KIF21A: variants seen among roughly 807,000 people sequenced by gnomAD.
The protein encoded by KIF21A is kinesin-like protein KIF21A.
In KIF21A, 114 loss-of-function variants were observed where a neutral mutation model predicts 202.9. The ratio of observed to expected loss-of-function variants is 0.56; its 90% CI spans 0.48 to 0.66. The LOEUF is 0.66. KIF21A is among the 30% of genes least tolerant of loss of function. The probability of loss-of-function intolerance (pLI) is 0.00; values close to 1 mark genes in which losing one functional copy is unlikely to be tolerated. For missense variants in KIF21A, 1,677 were observed against 1,994.9 expected (o/e 0.84, Z 3.04); for synonymous variants, 667 against 670.8 (o/e 0.99, Z 0.09).
intron 1 of KIF21A, among the ~76,000 whole-genome samples, chr12:39,435,682 A>T (rs1311435194): frequency 7.4e-6 from 1 of 134,988 alleles, no homozygotes. Flanking sequence ...CCCACACTCC[A>T]GCCACCTTCC....
chr12:39,405,550 G>T (rs1041604773), intron 1 of KIF21A, among the ~76,000 whole-genome samples: 2 of 151,996 alleles, frequency 1.3e-5, no homozygotes. Flanking sequence ...AAACTACAGT[G>T]CAGGAAATAT....
At chr12:39,375,146 C>T (rs1464422671) in intron 1 of KIF21A, among the ~76,000 whole-genome samples, 2 of 151,896 alleles carry the variant, frequency 1.3e-5, no homozygotes, top group African/African-American at 2.4e-5. Context: ...TTGTAATAAC[C>T]GAAACTGGTT....
intron 1 of KIF21A, among the ~76,000 whole-genome samples, chr12:39,380,722 A>G (rs922886742): frequency 2.3e-4 from 35 of 152,106 alleles, no homozygotes; most frequent in African/African-American, 8.5e-4. Flanking sequence ...AGAAGGAAAG[A>G]AGGAAGGAAG....
intron 32 of KIF21A, among the ~76,000 whole-genome samples, chr12:39,311,006 T>C (rs1468254876): frequency 3.3e-5 from 5 of 152,070 alleles, no homozygotes; most frequent in Admixed American, 2.0e-4. Context: ...TTGTGAGAAT[T>C]AGGTGAGATA....
chr12:39,441,911 G>C (rs753184665), intron 1 of KIF21A, among the ~76,000 whole-genome samples: 10 of 152,016 alleles, frequency 6.6e-5, no homozygotes, highest in Non-Finnish European at 1.2e-4. Flanking sequence ...CATAAATAAG[G>C]AGAAGTGAAT....
chr12:39,416,602 C>CATATATATATATGTACAT (rs1953616193), intron 1 of KIF21A, among the ~76,000 whole-genome samples: 1 of 100,772 alleles, frequency 9.9e-6, no homozygotes, highest in Admixed American at 1.0e-4. Context: ...CTTAAATATA[C>CATATATATATATGTACAT]ATATATATAT....
intron 1 of KIF21A, among the ~76,000 whole-genome samples, chr12:39,412,047 G>A (rs1055907663): frequency 2.0e-5 from 3 of 151,546 alleles, no homozygotes; most frequent in African/African-American, 7.3e-5. Context: ...TACCTTATTG[G>A]CCATGCTGGT....
intron 17 of KIF21A, among the ~76,000 whole-genome samples, chr12:39,335,186 C>A (rs911500880): frequency 2.0e-5 from 3 of 151,804 alleles, no homozygotes; most frequent in Non-Finnish European, 4.4e-5. Flanking sequence ...CGAGGCGGGG[C>A]GGATCACTTG....
intron 1 of KIF21A, among the ~76,000 whole-genome samples, chr12:39,374,443 A>G (rs939668375): frequency 6.6e-6 from 1 of 152,194 alleles, no homozygotes; most frequent in Non-Finnish European, 1.5e-5. Context: ...ACTAACACTA[A>G]GAAATAACAA....
At chr12:39,373,013 A>G (rs547644010) in intron 1 of KIF21A, among the ~76,000 whole-genome samples, 27 of 152,238 alleles carry the variant, frequency 1.8e-4, no homozygotes, top group Middle Eastern at 3.4e-3. Context: ...AATGAAGGCC[A>G]TCATTATCTC....
In KIF21A at chr12:39,395,857, A is replaced by G. The variant is rs572078608; in HGVS notation, c.45-25596T>C. On this transcript the variant is annotated intron_variant, in intron 1 of 37. Coordinates refer to ENST00000361418, the MANE Select transcript of KIF21A (RefSeq NM_001173464.2). ...GACTCCGTCTCAAAAAAAAAAAAAA[A>G]AAGAAGAAGAAAAATCACCCACTTT... Among the ~76,000 whole-genome samples the G allele has an allele frequency of 2.9e-4, 43 of 149,620 alleles. 1 individual carries two copies. The highest frequency in any genetic ancestry group is 1.4e-3 in the East Asian group (7 of 5,126).
intron 12 of KIF21A, among the ~76,000 whole-genome samples, chr12:39,342,720 C>T (rs11171786): frequency 0.068 from 10,358 of 152,192 alleles, 537 homozygotes; most frequent in South Asian, 0.28. Flanking sequence ...TATGGTCTCA[C>T]ACAATGTGTC....
chr12:39,366,896 TA>T (rs1949638909), intron 5 of KIF21A, 133 bp downstream of exon 5: 2 of 902,298 alleles, frequency 2.2e-6, no homozygotes, highest in Non-Finnish European at 3.5e-6. Context: ...TCAACTTAAC[TA>T]GGATCAGAAA....
In KIF21A at chr12:39,380,236, C is replaced by T. The variant is rs55756650; in HGVS notation, c.45-9975G>A. 3.9e-3 allele frequency among the ~76,000 whole-genome samples: 590 copies of T among 152,300 alleles called. 3 individuals are homozygous for T. Among genetic ancestry groups the T allele is most frequent in the African/African-American group, 0.013 (560 of 41,580 alleles). ...GCCTGCCTCAGCCTCCCAAAATACT[C>T]GGGTTACAGGCGTGAGCCACCGCTC... On this transcript the variant is annotated intron_variant, in intron 1 of 37. Coordinates refer to ENST00000361418, the MANE Select transcript of KIF21A (RefSeq NM_001173464.2).
At position 39,424,819 on chromosome 12, in the gene KIF21A, C is replaced by T. The variant is rs115710321; in HGVS notation, c.44+18108G>A. 6.7e-3 allele frequency among the ~76,000 whole-genome samples: 1,019 copies of T among 152,180 alleles called. 12 individuals carry two copies. The highest frequency in any genetic ancestry group is 0.023 in the African/African-American group (959 of 41,524). On this transcript the variant is annotated intron_variant, in intron 1 of 37. Coordinates refer to ENST00000361418, the MANE Select transcript of KIF21A (RefSeq NM_001173464.2). ...CATTTTCACCTCTTATAATACAGTC[C>T]ACCTTGTACCGAGCAACAAGAGTTA...
intron 1 of KIF21A, among the ~76,000 whole-genome samples, chr12:39,376,203 A>T (rs565322301): frequency 6.6e-6 from 1 of 152,312 alleles, no homozygotes; most frequent in African/African-American, 2.4e-5. Flanking sequence ...ATGTATGCAT[A>T]TACTTACAGA....
At chr12:39,412,029 G>T (rs1047699664) in intron 1 of KIF21A, among the ~76,000 whole-genome samples, 1 of 151,682 alleles carries the variant, frequency 6.6e-6, no homozygotes, top group Non-Finnish European at 1.5e-5. Flanking sequence ...TTGTAGAGAC[G>T]GGGTTTTTAC....
intron 1 of KIF21A, among the ~76,000 whole-genome samples, chr12:39,374,856 A>G (rs1412168825): frequency 6.6e-6 from 1 of 152,144 alleles, no homozygotes; most frequent in Non-Finnish European, 1.5e-5. Flanking sequence ...AAAACAAACC[A>G]AAGTTTCCCT....
intron 12 of KIF21A, among the ~76,000 whole-genome samples, chr12:39,344,579 G>A (rs914277814): frequency 1.3e-5 from 2 of 151,944 alleles, no homozygotes; most frequent in Non-Finnish European, 2.9e-5. Flanking sequence ...TCTACTCCCC[G>A]CTCCAACTCA....
Sources: gnomAD v4.1 joint callset for allele counts (sites outside exome capture counted in the v4.1 genomes callset) on GRCh38, gnomAD v4.1.1 for gene constraint, MANE v1.5 for transcripts, NCBI Gene and HGNC (gene_info 2026-07-23, HGNC 2026-07-21) for gene names.